Variants in SYNE1 observed in about 807,000 individuals in gnomAD.
SYNE1 encodes nesprin-1.
Under a neutral mutation model 1,111.0 loss-of-function variants are expected in SYNE1, and 616 were observed. The ratio of observed to expected loss-of-function variants is 0.55; its 90% CI spans 0.52 to 0.59. SYNE1 has a LOEUF of 0.59. Among genes scored for constraint, SYNE1 ranks in the 20% least tolerant of loss-of-function variants. The pLI is 0.00. For synonymous variants in SYNE1, 3,855 were observed against 3,825.8 expected (o/e 1.01, Z -0.28); for missense variants, 10,006 against 10,417.0 (o/e 0.96, Z 1.72).
chr6:152,601,650 A>G (rs929725914), intron 3 of SYNE1, among the ~76,000 whole-genome samples: 1 of 152,184 alleles, frequency 6.6e-6, no homozygotes, highest in Non-Finnish European at 1.5e-5. Flanking sequence ...ACACCCACAG[A>G]AAACACGACA....
chr6:152,297,147 A>G (rs1286690847), intron 93 of SYNE1, among the ~76,000 whole-genome samples: 1 of 151,760 alleles, frequency 6.6e-6, no homozygotes, highest in East Asian at 1.9e-4. Flanking sequence ...TCTCAGTCTC[A>G]TTTCCCCCTC....
At chr6:152,270,957 G>T (rs904917138) in intron 98 of SYNE1, among the ~76,000 whole-genome samples, 1 of 152,298 alleles carries the variant, frequency 6.6e-6, no homozygotes, top group South Asian at 2.1e-4. Flanking sequence ...AGAGAGAACA[G>T]AGCAGTGAAG....
chr6:152,445,873 CTCTT>C (rs1262408178), intron 29 of SYNE1, among the ~76,000 whole-genome samples: 1 of 152,228 alleles, frequency 6.6e-6, no homozygotes, highest in East Asian at 1.9e-4. Flanking sequence ...CTCCTTTCCT[CTCTT>C]TCTGCTTTCA....
intron 126 of SYNE1, among the ~76,000 whole-genome samples, chr6:152,205,859 T>G (rs533185516): frequency 2.6e-5 from 4 of 152,342 alleles, no homozygotes; most frequent in African/African-American, 9.6e-5. Context: ...TGAATTTCTG[T>G]GTGGATTTAT....
intron 4 of SYNE1, among the ~76,000 whole-genome samples, chr6:152,534,494 A>C (rs956141864): frequency 6.6e-6 from 1 of 152,168 alleles, no homozygotes; most frequent in East Asian, 1.9e-4. Context: ...GACAAATAAA[A>C]ATTGTATATA....
intron 11 of SYNE1, among the ~76,000 whole-genome samples, chr6:152,489,177 A>C (rs905107419): frequency 1.3e-5 from 2 of 152,210 alleles, no homozygotes; most frequent in African/African-American, 2.4e-5. Context: ...CCATTCTATA[A>C]TAGCACTGAT....
In SYNE1 at chr6:152,603,316, C is replaced by T. The variant is rs529574975; in HGVS notation, c.67+24949G>A. On this transcript the variant is annotated intron_variant, in intron 3 of 145. Coordinates refer to ENST00000367255, the MANE Select transcript of SYNE1 (RefSeq NM_182961.4). The stretch of plus-strand genomic sequence containing the variant: ...TTTTGGCCTCCCTCCCTGATTTCCA[C>T]GCCATATTCTGCAACATAATGACTA... Among the ~76,000 whole-genome samples, 6 of 152,234 alleles carry T rather than the reference C, an allele frequency of 3.9e-5. No homozygotes were observed. The South Asian group carries it at 1.0e-3, about 26-fold the overall frequency.
rs114186630 is a variant in SYNE1, at chr6:152,256,085, C to T, written c.19105-339G>A. Reference sequence around the variant, plus strand: ...CTGCACTCTAGCCTGGGTGACAGTGCAAGACTCTGAAAAAAATAAAATAAA... The same window carrying T: ...CTGCACTCTAGCCTGGGTGACAGTGTAAGACTCTGAAAAAAATAAAATAAA... On this transcript the variant is annotated intron_variant, in intron 102 of 145. Transcript: ENST00000367255. Among the ~76,000 whole-genome samples, 954 of 149,730 alleles carry T rather than the reference C, an allele frequency of 6.4e-3. 13 individuals carry two copies. The highest frequency in any genetic ancestry group is 0.023 in the African/African-American group (926 of 40,674).
chr6:152,595,226 T>A (rs1352688511), intron 3 of SYNE1, among the ~76,000 whole-genome samples: 2 of 152,218 alleles, frequency 1.3e-5, no homozygotes, highest in Non-Finnish European at 2.9e-5. Flanking sequence ...TCCCAAATCA[T>A]AAACACATAT....
chr6:152,444,648 G>T, intron 29 of SYNE1, 70 bp from the exon 30 acceptor site: 1 of 1,440,504 alleles, frequency 6.9e-7, no homozygotes, highest in Non-Finnish European at 9.5e-7. Flanking sequence ...AATTTTTTTG[G>T]TAAGGTATGA....
In SYNE1 at chr6:152,472,368, T is replaced by G; in HGVS notation, c.1396A>C (p.Ile466Leu). Residue 466 changes from isoleucine (I) to leucine (L), a missense_variant, in exon 15 of 146, where the codon ATC becomes CTC. Physicochemically the swap from Ile to Leu is conservative, Grantham distance 5 (BLOSUM62 2). This residue lies in a region of SYNE1 where 1,971 missense variants were observed against 2,084.1 expected (regional missense o/e 0.95). Transcript: ENST00000367255. ...CCGTTAACAGACCTGGTCCGGTAGATTTCATGGAATGCTCTTTTGTGGGCA... is the reference window on the plus strand; with the variant it reads ...CCGTTAACAGACCTGGTCCGGTAGAGTTCATGGAATGCTCTTTTGTGGGCA... Reference protein sequence around the residue: ...TDAHKRAFHEIYRTRSVNGIP... With the variant: ...TDAHKRAFHELYRTRSVNGIP... 1.9e-6 allele frequency: 3 copies of G among 1,614,082 alleles called. No homozygotes were observed. The highest frequency in any genetic ancestry group is 2.5e-6 in the Non-Finnish European group (3 of 1,179,988).
intron 14 of SYNE1, chr6:152,481,224 G>C (rs2098894382): frequency 4.5e-6 from 1 of 222,378 alleles, no homozygotes; most frequent in Non-Finnish European, 9.1e-6. Context: ...AAGAACAATT[G>C]TGTAGATGCT....
intron 29 of SYNE1, among the ~76,000 whole-genome samples, chr6:152,445,421 A>C (rs1025431397): frequency 2.0e-5 from 3 of 151,886 alleles, no homozygotes; most frequent in Admixed American, 2.0e-4. Context: ...TGCTTCCTCT[A>C]TTTCAGTTTT....
chr6:152,192,710 ATTATATATTTATCTGGGTGGTCCAG>A (rs2072882420), intron 127 of SYNE1, among the ~76,000 whole-genome samples: 4 of 152,066 alleles, frequency 2.6e-5, no homozygotes, highest in Admixed American at 1.3e-4. Flanking sequence ...ATAAATATAT[ATTATATATTTATCTGGGTGGTCCAG>A]TGTTGGGTGT....
chr6:152,442,672 G>C (rs760336495), intron 30 of SYNE1, among the ~76,000 whole-genome samples: 3 of 152,168 alleles, frequency 2.0e-5, no homozygotes, highest in Non-Finnish European at 4.4e-5. Context: ...CAGGGGCGGT[G>C]CAGTGGCTCA....
intron 142 of SYNE1, 164 bp from the exon 143 acceptor site, chr6:152,133,652 A>C: frequency 2.9e-6 from 2 of 701,372 alleles, no homozygotes; most frequent in South Asian, 1.8e-5. Flanking sequence ...CCTGAGTTCT[A>C]ATCCTGCCTC....
chr6:152,351,090 A>C (rs887492940), intron 70 of SYNE1, among the ~76,000 whole-genome samples: 2 of 152,228 alleles, frequency 1.3e-5, no homozygotes, highest in African/African-American at 4.8e-5. Context: ...AAAAAATCTC[A>C]ACATAAAAAG....
intron 63 of SYNE1, 138 bp downstream of exon 63, chr6:152,364,709 G>GAAGGAAGA (rs1433489678): frequency 8.9e-6 from 8 of 900,712 alleles, no homozygotes; most frequent in Non-Finnish European, 8.8e-6. Context: ...AGGAAGGAAG[G>GAAGGAAGA]AAGGAAGGAA....
chr6:152,504,248 G>T (rs141233945), intron 9 of SYNE1, among the ~76,000 whole-genome samples: 38 of 152,274 alleles, frequency 2.5e-4, no homozygotes, highest in Admixed American at 1.8e-3. Context: ...AAAGTGGGGT[G>T]GGGGCAGAGT....
Sources: gnomAD v4.1 joint callset for allele counts (sites outside exome capture counted in the v4.1 genomes callset) on GRCh38, gnomAD v4.1.1 for gene constraint, gnomAD v4.1.1 regional missense constraint, MANE v1.5 for transcripts, NCBI Gene and HGNC (gene_info 2026-07-23, HGNC 2026-07-21) for gene names.